The following GRM7 variants were observed in gnomAD, a reference collection of about 807,000 sequenced individuals.
The protein encoded by GRM7 is glutamate metabotropic receptor 7.
GRM7 carries 35 observed loss-of-function variants against 84.5 expected under a neutral mutation model. That is an observed-to-expected ratio of 0.41 (90% CI 0.32 to 0.55). The LOEUF (loss-of-function observed/expected upper bound fraction) is 0.55, where lower values mean the gene tolerates loss of function less well. Among genes scored for constraint, GRM7 ranks in the 20% least tolerant of loss-of-function variants. The pLI is 0.19. For synonymous variants in GRM7, 487 were observed against 455.1 expected (o/e 1.07, Z -0.89); for missense variants, 1,003 against 1,194.6 (o/e 0.84, Z 2.36).
At chr3:6,956,666 T>C (rs191306603) in intron 1 of GRM7, 11 of 454,978 alleles carry the variant, frequency 2.4e-5, no homozygotes, top group African/African-American at 1.8e-4. Context: ...TGCTCAGTAC[T>C]GCTCACATGA....
intron 1 of GRM7, among the ~76,000 whole-genome samples, chr3:7,038,048 G>T (rs1018044767): frequency 6.6e-6 from 1 of 152,044 alleles, no homozygotes; most frequent in African/African-American, 2.4e-5. Flanking sequence ...AATAAAAAGG[G>T]CATTCAAATG....
At chr3:7,623,497 C>T (rs540787557) in intron 8 of GRM7, among the ~76,000 whole-genome samples, 1 of 152,282 alleles carries the variant, frequency 6.6e-6, no homozygotes, top group Admixed American at 6.5e-5. Context: ...TGAATCAGCA[C>T]TCATGTAAGC....
intron 7 of GRM7, among the ~76,000 whole-genome samples, chr3:7,540,840 G>C (rs1254834323): frequency 3.3e-5 from 5 of 152,138 alleles, no homozygotes; most frequent in Admixed American, 6.5e-5. Flanking sequence ...CAAATTTGCA[G>C]TATATTCAGA....
chr3:7,518,192 T>C (rs1700463305), intron 7 of GRM7, among the ~76,000 whole-genome samples: 1 of 152,180 alleles, frequency 6.6e-6, no homozygotes, highest in African/African-American at 2.4e-5. Flanking sequence ...GTGGTGTGAT[T>C]CCTTTTTCAG....
chr3:7,075,496 A>ATGTGTGTGTGTGTGTGTGTGTG (rs376048569), intron 1 of GRM7, among the ~76,000 whole-genome samples: 1 of 138,490 alleles, frequency 7.2e-6, no homozygotes, highest in African/African-American at 2.7e-5. Context: ...TGCTTCTCAG[A>ATGTGTGTGTGTGTGTGTGTGTG]TGTGTGTGTG....
chr3:7,029,599 G>A (rs1328851408), intron 1 of GRM7, among the ~76,000 whole-genome samples: 2 of 152,174 alleles, frequency 1.3e-5, no homozygotes, highest in African/African-American at 4.8e-5. Flanking sequence ...TAATAAGCCA[G>A]CTATAAAAGG....
At chr3:7,292,099 ATAAAT>A (rs1040818452) in intron 2 of GRM7, among the ~76,000 whole-genome samples, 4 of 152,156 alleles carry the variant, frequency 2.6e-5, no homozygotes, top group African/African-American at 9.7e-5. Flanking sequence ...CTTTTTCTTT[ATAAAT>A]TACCCAACCT....
At chr3:7,037,859 G>A (rs1696438170) in intron 1 of GRM7, among the ~76,000 whole-genome samples, 1 of 152,152 alleles carries the variant, frequency 6.6e-6, no homozygotes, top group Non-Finnish European at 1.5e-5. Context: ...ATTATACTCT[G>A]AGCAGATTTC....
At chr3:7,561,714 A>G (rs1694035916) in intron 7 of GRM7, 3 of 355,392 alleles carry the variant, frequency 8.4e-6, no homozygotes, top group Non-Finnish European at 1.7e-5. Flanking sequence ...ATGCAAAAAA[A>G]TAAGCAGATA....
In GRM7 at chr3:7,091,656, A is replaced by C. The variant is rs569338009; in HGVS notation, c.520-54796A>C. Among the ~76,000 whole-genome samples the C allele has an allele frequency of 3.3e-4, 47 of 141,046 alleles. 2 individuals carry two copies. In the South Asian group the frequency reaches 0.011, roughly 32 times the overall value. The allele number at this position is 141,046 out of a possible 152,430, so 92.5% of individuals were successfully genotyped here. A position where few individuals can be genotyped will look rare whatever the true frequency, so the allele number is the denominator to read the frequency against. On this transcript the variant is annotated intron_variant, in intron 1 of 9. Transcript: ENST00000357716. ...AGCAAAATCCCATGATTTGTTTTTGATATGCTCTACCTTTTCAACAAATAT... is the reference window on the plus strand; with the variant it reads ...AGCAAAATCCCATGATTTGTTTTTGCTATGCTCTACCTTTTCAACAAATAT...
intron 1 of GRM7, among the ~76,000 whole-genome samples, chr3:6,965,272 A>G (rs181489763): frequency 6.6e-6 from 1 of 152,126 alleles, no homozygotes; most frequent in Non-Finnish European, 1.5e-5. Context: ...CATTTGCTTA[A>G]CAATGTTACC....
At chr3:7,008,691 G>A (rs1181527552) in intron 1 of GRM7, among the ~76,000 whole-genome samples, 1 of 152,192 alleles carries the variant, frequency 6.6e-6, no homozygotes, top group Non-Finnish European at 1.5e-5. Flanking sequence ...TGAAGTACTA[G>A]TTGTTTTTAC....
At chr3:7,329,896 TATTA>T (rs1559240247) in intron 4 of GRM7, among the ~76,000 whole-genome samples, 2 of 152,132 alleles carry the variant, frequency 1.3e-5, no homozygotes, top group Admixed American at 6.6e-5. Flanking sequence ...TAGAGAAATA[TATTA>T]ATTTTCCAGT....
At chr3:7,010,305 T>A (rs542253293) in intron 1 of GRM7, among the ~76,000 whole-genome samples, 1 of 152,102 alleles carries the variant, frequency 6.6e-6, no homozygotes, top group African/African-American at 2.4e-5. Flanking sequence ...ACAAAAAAAA[T>A]TAGCCAGGCA....
At chr3:7,515,579 C>T (rs1700347529) in intron 7 of GRM7, among the ~76,000 whole-genome samples, 1 of 152,168 alleles carries the variant, frequency 6.6e-6, no homozygotes, top group African/African-American at 2.4e-5. Flanking sequence ...AAAAAGGAAA[C>T]TAACCTGGCT....
chr3:7,099,863 T>C lies in GRM7; in HGVS notation c.520-46589T>C, dbSNP rs34933838. On this transcript the variant is annotated intron_variant, in intron 1 of 9. Transcript: ENST00000357716. Reference sequence around the variant, plus strand: ...TACACGCATTATACATGTGCACATATATGTATATGTACACGCATTATACAT... The same window carrying C: ...TACACGCATTATACATGTGCACATACATGTATATGTACACGCATTATACAT... Among the ~76,000 whole-genome samples, 199 of 142,476 alleles carry C rather than the reference T, an allele frequency of 1.4e-3. 28 individuals are homozygous for C. The highest frequency in any genetic ancestry group is 6.5e-3 in the East Asian group (32 of 4,950). The allele number at this position is 142,476 out of a possible 152,430, so 93.5% of individuals were successfully genotyped here. A position where few individuals can be genotyped will look rare whatever the true frequency, so the allele number is the denominator to read the frequency against.
At chr3:7,190,340 G>C (rs532954217) in intron 2 of GRM7, among the ~76,000 whole-genome samples, 2 of 152,142 alleles carry the variant, frequency 1.3e-5, no homozygotes, top group Admixed American at 6.6e-5. Context: ...TATTCTCAGC[G>C]TACAGTGTTT....
chr3:7,708,089 A>G (rs1048354417), intron 9 of GRM7, among the ~76,000 whole-genome samples: 1 of 151,744 alleles, frequency 6.6e-6, no homozygotes, highest in African/African-American at 2.4e-5. Flanking sequence ...ATTTTACAGG[A>G]TATAAACTGG....
intron 7 of GRM7, among the ~76,000 whole-genome samples, chr3:7,472,201 C>T (rs991109433): frequency 1.1e-4 from 17 of 152,184 alleles, no homozygotes; most frequent in Admixed American, 9.2e-4. Context: ...GCTCTTGCCA[C>T]ATGCCCAGTC....
Sources: allele counts gnomAD v4.1 joint callset (sites outside exome capture counted in the v4.1 genomes callset), GRCh38; gene constraint gnomAD v4.1.1; transcripts MANE v1.5; gene names NCBI Gene and HGNC (gene_info 2026-07-23, HGNC 2026-07-21).